ERC2: variants seen among roughly 807,000 people sequenced by gnomAD.
ERC2 encodes the protein ERC protein 2.
A neutral mutation model predicts 114.8 loss-of-function variants in ERC2; 42 were observed. That is an observed-to-expected ratio of 0.37 (90% CI 0.29 to 0.47). ERC2 has a LOEUF of 0.47. Ranked by LOEUF, ERC2 falls within the 20% of genes least tolerant of loss-of-function variation. ERC2 has a pLI of 0.99. For synonymous variants in ERC2, 454 were observed against 425.5 expected (o/e 1.07, Z -0.82); for missense variants, 939 against 1,150.7 (o/e 0.82, Z 2.66).
At chr3:56,141,705 G>A (rs531502194) in intron 5 of ERC2, among the ~76,000 whole-genome samples, 6 of 151,832 alleles carry the variant, frequency 4.0e-5, no homozygotes, top group East Asian at 1.9e-4. Context: ...ATGGTTTATC[G>A]CCATTTTTCA....
In ERC2 at chr3:55,904,189, G is replaced by A. The variant is rs140976419; in HGVS notation, c.2404-15640C>T. On this transcript the variant is annotated intron_variant, in intron 13 of 17. Transcript: ENST00000288221. ...AAGAAAGGAACTGTGTGGAATAGGT[G>A]GCACAACATTTTTGCCCTCATCCAA... is the stretch of plus-strand genomic sequence containing the variant. 3.9e-5 allele frequency among the ~76,000 whole-genome samples: 6 copies of A among 152,244 alleles called. No individual in the cohort carries two copies. The East Asian group carries it at 5.8e-4, about 15-fold the overall frequency.
chr3:56,412,950 CA>C (rs2060999193), intron 2 of ERC2, among the ~76,000 whole-genome samples: 1 of 152,150 alleles, frequency 6.6e-6, no homozygotes, highest in African/African-American at 2.4e-5. Flanking sequence ...ACATTTGTGA[CA>C]AATGCTATTA....
At chr3:56,326,218 C>T (rs563896559) in intron 2 of ERC2, among the ~76,000 whole-genome samples, 1 of 152,326 alleles carries the variant, frequency 6.6e-6, no homozygotes, top group African/African-American at 2.4e-5. Context: ...CCTTGCAAGC[C>T]AAAGCCTGAG....
intron 3 of ERC2, among the ~76,000 whole-genome samples, chr3:56,264,141 A>G (rs1036479967): frequency 2.6e-5 from 4 of 152,256 alleles, no homozygotes; most frequent in African/African-American, 9.6e-5. Flanking sequence ...TAGGTTAAAC[A>G]AAGTAGTTTC....
chr3:55,885,408 A>T (rs1268824616), intron 14 of ERC2, among the ~76,000 whole-genome samples: 1 of 152,228 alleles, frequency 6.6e-6, no homozygotes, highest in African/African-American at 2.4e-5. Flanking sequence ...AAGTCCTCCC[A>T]TAGTCCCAGG....
In ERC2 at chr3:55,751,711, C is replaced by T. The variant is rs193096511; in HGVS notation, c.2565-16793G>A. ...GAGGCCAAGTTAGTAACAGGAGCAA[C>T]TCTGGCTAAGTCAGAGCTGTCAGCA... is the stretch of plus-strand genomic sequence containing the variant. On this transcript the variant is annotated intron_variant, in intron 14 of 17. Coordinates refer to ENST00000288221, the MANE Select transcript of ERC2 (RefSeq NM_015576.3). Among the ~76,000 whole-genome samples the T allele has an allele frequency of 1.8e-3, 272 of 152,310 alleles. 3 individuals carry two copies. The South Asian group carries it at 0.02, about 11-fold the overall frequency.
At chr3:56,357,297 C>T (rs2058781488) in intron 2 of ERC2, among the ~76,000 whole-genome samples, 1 of 152,230 alleles carries the variant, frequency 6.6e-6, no homozygotes, top group African/African-American at 2.4e-5. Flanking sequence ...TCCCAAAGAC[C>T]TCACAACAAT....
intron 13 of ERC2, among the ~76,000 whole-genome samples, chr3:55,947,891 AC>A (rs1052110229): frequency 1.3e-5 from 2 of 152,216 alleles, no homozygotes; most frequent in African/African-American, 4.8e-5. Context: ...TTTTTCCTAC[AC>A]ACAAGCCTGT....
chr3:55,928,118 A>G (rs2065854560), intron 13 of ERC2, among the ~76,000 whole-genome samples: 1 of 152,212 alleles, frequency 6.6e-6, no homozygotes, highest in Non-Finnish European at 1.5e-5. Flanking sequence ...TTTTGGGTAT[A>G]TACCTAGCAG....
chr3:55,939,915 GTAT>G (rs1559902791), intron 13 of ERC2, among the ~76,000 whole-genome samples: 1 of 152,214 alleles, frequency 6.6e-6, no homozygotes, highest in Non-Finnish European at 1.5e-5. Context: ...ATTGGTGGAT[GTAT>G]TATTATAACC....
intron 6 of ERC2, 75 bp from the exon 7 acceptor site, chr3:56,081,059 G>A: frequency 6.6e-7 from 1 of 1,509,334 alleles, no homozygotes; most frequent in Non-Finnish European, 9.0e-7. Context: ...TGCCCTTTGA[G>A]GAGGCAGGGC....
chr3:56,206,202 TACACAC>T (rs56400890), intron 3 of ERC2, among the ~76,000 whole-genome samples: 2 of 141,852 alleles, frequency 1.4e-5, no homozygotes, highest in Admixed American at 1.4e-4. Context: ...CACACACACA[TACACAC>T]ACACACACAC....
At chr3:55,965,162 A>T (rs1031228915) in intron 12 of ERC2, among the ~76,000 whole-genome samples, 1 of 152,232 alleles carries the variant, frequency 6.6e-6, no homozygotes, top group Non-Finnish European at 1.5e-5. Context: ...GGAGGAAATT[A>T]TACAAGGGTG....
At chr3:55,857,900 T>C (rs1024166008) in intron 14 of ERC2, among the ~76,000 whole-genome samples, 6 of 152,220 alleles carry the variant, frequency 3.9e-5, no homozygotes, top group African/African-American at 1.4e-4. Context: ...TTCTACGGAA[T>C]GGACAGCCAT....
At chr3:55,845,111 G>A (rs986264517) in intron 14 of ERC2, among the ~76,000 whole-genome samples, 4 of 152,096 alleles carry the variant, frequency 2.6e-5, no homozygotes, top group South Asian at 2.1e-4. Context: ...AGTAATGCTC[G>A]CTCACCTGCC....
chr3:56,282,317 A>G (rs1045716832), intron 3 of ERC2, among the ~76,000 whole-genome samples: 12 of 152,236 alleles, frequency 7.9e-5, no homozygotes, highest in African/African-American at 2.9e-4. Context: ...TTAAAATAAG[A>G]GAGGGAAACC....
In ERC2 at chr3:55,806,304, C is replaced by T. The variant is rs1383301263; in HGVS notation, c.2565-71386G>A. Among the ~76,000 whole-genome samples, 3 of 146,054 alleles carry T rather than the reference C, an allele frequency of 2.1e-5. No homozygotes were observed. The East Asian group carries it at 6.1e-4, about 30-fold the overall frequency. ...GAGCTGAGATCATGCCACTGCACTC[C>T]AGTCTGGGAGCAAAACTCCTTCTCA... is the stretch of plus-strand genomic sequence containing the variant. On this transcript the variant is annotated intron_variant, in intron 14 of 17. Coordinates refer to ENST00000288221, the MANE Select transcript of ERC2 (RefSeq NM_015576.3).
At chr3:55,738,285 C>T (rs1015051275) in intron 14 of ERC2, among the ~76,000 whole-genome samples, 6 of 152,052 alleles carry the variant, frequency 3.9e-5, no homozygotes, top group Non-Finnish European at 8.8e-5. Context: ...AAAACAAGGA[C>T]AGGAAGGAAG....
chr3:56,309,807 C>A (rs1310246498), intron 2 of ERC2, among the ~76,000 whole-genome samples: 2 of 152,136 alleles, frequency 1.3e-5, no homozygotes, highest in Non-Finnish European at 2.9e-5. Context: ...TAGCTATTTT[C>A]ATTATTTTGA....
Sources: gnomAD v4.1 joint callset for allele counts (sites outside exome capture counted in the v4.1 genomes callset) on GRCh38, gnomAD v4.1.1 for gene constraint, MANE v1.5 for transcripts, NCBI Gene and HGNC (gene_info 2026-07-23, HGNC 2026-07-21) for gene names.